Variants in HSD17B2 observed in about 807,000 individuals in gnomAD.
HSD17B2 encodes 17-beta-hydroxysteroid dehydrogenase type 2.
HSD17B2 carries 32 observed loss-of-function variants against 26.9 expected under a neutral mutation model. The ratio of observed to expected loss-of-function variants is 1.19; its 90% CI spans 0.90 to 1.60. HSD17B2 has a LOEUF of 1.60. HSD17B2 is among the 40% of genes most tolerant of loss of function. The probability of loss-of-function intolerance (pLI) is 0.00; values close to 1 mark genes in which losing one functional copy is unlikely to be tolerated. For synonymous variants in HSD17B2, 246 were observed against 186.7 expected (o/e 1.32, Z -2.59); for missense variants, 613 against 468.6 (o/e 1.31, Z -2.85).
chr16:82,097,150 T>A (rs1904862772), intron 4 of HSD17B2: 1 of 151,992 alleles, frequency 6.6e-6, no homozygotes, highest in South Asian at 2.1e-4. Context: ...CACTTCAGTC[T>A]CCCGAATAGC....
Position 82,035,685 on chromosome 16 carries a change from G to C in HSD17B2, c.261G>C (p.Val87=). The C allele has an allele frequency of 6.2e-7, 1 of 1,613,458 alleles. No homozygotes were observed. The highest frequency in any genetic ancestry group is 8.5e-7 in the Non-Finnish European group (1 of 1,179,704). ...CTGTGGATCAGAAGGCAGTCCTGGT[G>C]ACAGGTAAGCAGACGGTGCTACAAT... is the stretch of plus-strand genomic sequence containing the variant. The part of the protein sequence containing the change: ...LLPVDQKAVL[V]TGGDCGLGHA... Residue 87 remains valine, a synonymous_variant, in exon 1 of 5, where the codon GTG becomes GTC. Transcript: ENST00000199936.
intron 3 of HSD17B2, among the ~76,000 whole-genome samples, chr16:82,082,660 A>T (rs1486150312): frequency 6.6e-6 from 1 of 152,164 alleles, no homozygotes; most frequent in Non-Finnish European, 1.5e-5. Flanking sequence ...TGAGGATAAT[A>T]CTAGAATCTA....
chr16:82,049,728 C>T (rs1914048175), intron 1 of HSD17B2, among the ~76,000 whole-genome samples: 1 of 152,210 alleles, frequency 6.6e-6, no homozygotes, highest in Non-Finnish European at 1.5e-5. Flanking sequence ...CCCAAGACTA[C>T]AAGCAGTTCA....
At chr16:82,043,308 C>G (rs1913818021) in intron 1 of HSD17B2, among the ~76,000 whole-genome samples, 1 of 152,098 alleles carries the variant, frequency 6.6e-6, no homozygotes, top group Admixed American at 6.5e-5. Flanking sequence ...GCCTGCCCTC[C>G]TTGTTTCAGG....
intron 1 of HSD17B2, among the ~76,000 whole-genome samples, chr16:82,049,365 G>A (rs1206820622): frequency 6.6e-6 from 1 of 152,178 alleles, no homozygotes; most frequent in East Asian, 1.9e-4. Flanking sequence ...CTGAAGTTGA[G>A]ATACTTTCTC....
At chr16:82,048,921 C>T (rs74530506) in intron 1 of HSD17B2, among the ~76,000 whole-genome samples, 2 of 152,262 alleles carry the variant, frequency 1.3e-5, no homozygotes, top group East Asian at 3.9e-4. Flanking sequence ...AGTACACAAA[C>T]AGTGAATGCT....
intron 1 of HSD17B2, among the ~76,000 whole-genome samples, chr16:82,063,548 CAA>C (rs200549604): frequency 6.7e-6 from 1 of 150,272 alleles, no homozygotes; most frequent in South Asian, 2.1e-4. Context: ...TACTGCCAAA[CAA>C]AAAAAAACCT....
chr16:82,090,219 C>T lies in HSD17B2; in HGVS notation c.665-683C>T, dbSNP rs904325481. 9 of 978,468 alleles carry T rather than the reference C, an allele frequency of 9.2e-6. No individual in the cohort carries two copies. In the African/African-American group the frequency reaches 1.3e-4, roughly 14 times the overall value. The allele number at this position is 978,468 out of a possible 1,614,324, so 60.6% of individuals were successfully genotyped here. ...CCTCCCCACAAAAAGATATGTTTAC[C>T]AGGAACCTCAGAAGGTATGTTGGTC... On this transcript the variant is annotated intron_variant, in intron 3 of 4. Transcript: ENST00000199936.
intron 1 of HSD17B2, among the ~76,000 whole-genome samples, chr16:82,065,790 G>C (rs193108234): frequency 1.8e-3 from 271 of 152,336 alleles, no homozygotes; most frequent in African/African-American, 6.3e-3. Context: ...CTTGGATTTA[G>C]GATCCAATAG....
At chr16:82,086,544 C>T (rs7189336) in intron 3 of HSD17B2, among the ~76,000 whole-genome samples, 181 of 152,270 alleles carry the variant, frequency 1.2e-3, no homozygotes, top group African/African-American at 3.8e-3. Context: ...TAAGGGAACA[C>T]AGCCCAGGGA....
intron 4 of HSD17B2, 98 bp from the exon 5 acceptor site, chr16:82,097,977 A>C: frequency 3.5e-6 from 4 of 1,147,806 alleles, no homozygotes; most frequent in South Asian, 1.9e-5. Flanking sequence ...AATAAACGTC[A>C]TTTGCAAAGG....
chr16:82,088,673 T>C lies in HSD17B2; in HGVS notation c.665-2229T>C, dbSNP rs568000387. ...TAACTTCTTTGGCCTCCCTTATTAG[T>C]AATAGAAAGGAGTTGGATTTCAAAC... On this transcript the variant is annotated intron_variant, in intron 3 of 4. Coordinates refer to ENST00000199936, the MANE Select transcript of HSD17B2 (RefSeq NM_002153.3). 1.2e-4 allele frequency among the ~76,000 whole-genome samples: 19 copies of C among 152,298 alleles called. 1 individual carries two copies. In the South Asian group the frequency reaches 3.7e-3, roughly 30 times the overall value.
At chr16:82,035,796 G>A in intron 1 of HSD17B2, 107 bp downstream of exon 1, 2 of 1,167,386 alleles carry the variant, frequency 1.7e-6, no homozygotes, top group East Asian at 4.7e-5. Flanking sequence ...TTGGCATGGA[G>A]TAAATGAAAG....
At chr16:82,074,667 A>G (rs1426975630) in intron 3 of HSD17B2, among the ~76,000 whole-genome samples, 1 of 152,246 alleles carries the variant, frequency 6.6e-6, no homozygotes, top group Non-Finnish European at 1.5e-5. Context: ...GTAAATATAC[A>G]TGCACCCAAC....
intron 1 of HSD17B2, among the ~76,000 whole-genome samples, chr16:82,038,220 C>T (rs371433550): frequency 1.9e-4 from 29 of 152,008 alleles, no homozygotes; most frequent in East Asian, 1.5e-3. Flanking sequence ...GCCTCAGAGA[C>T]AATATAATTA....
chr16:82,095,287 G>C (rs574758682), intron 4 of HSD17B2: 1 of 152,144 alleles, frequency 6.6e-6, no homozygotes, highest in African/African-American at 2.4e-5. Flanking sequence ...CTTTAAGCAC[G>C]GTGTGTGCCT....
intron 1 of HSD17B2, among the ~76,000 whole-genome samples, chr16:82,045,098 G>C (rs981192018): frequency 5.7e-5 from 8 of 140,784 alleles, no homozygotes; most frequent in African/African-American, 2.3e-4. Context: ...ACTCCAGCTT[G>C]GGTGACAGAG....
chr16:82,059,640 A>G (rs930280753), intron 1 of HSD17B2, among the ~76,000 whole-genome samples: 1 of 152,172 alleles, frequency 6.6e-6, no homozygotes, highest in Non-Finnish European at 1.5e-5. Context: ...GACCTAACAC[A>G]ATGATATCTG....
At chr16:82,038,182 AT>A (rs1487803288) in intron 1 of HSD17B2, among the ~76,000 whole-genome samples, 1 of 152,172 alleles carries the variant, frequency 6.6e-6, no homozygotes, top group Non-Finnish European at 1.5e-5. Context: ...CCTTTATTTC[AT>A]TTTGCTAAGA....
Sources: gnomAD v4.1 joint callset for allele counts (sites outside exome capture counted in the v4.1 genomes callset) on GRCh38, gnomAD v4.1.1 for gene constraint, MANE v1.5 for transcripts, NCBI Gene and HGNC (gene_info 2026-07-23, HGNC 2026-07-21) for gene names.